The following SOHLH2 variants were observed in gnomAD, a reference collection of about 807,000 sequenced individuals.
SOHLH2 encodes spermatogenesis- and oogenesis-specific basic helix-loop-helix-containing protein 2.
Under a neutral mutation model 50.4 loss-of-function variants are expected in SOHLH2, and 22 were observed. That is an observed-to-expected ratio of 0.44 (90% CI 0.31 to 0.62). The LOEUF is 0.62. SOHLH2 is among the 20% of genes least tolerant of loss of function. The pLI is 0.08. For synonymous variants in SOHLH2, 185 were observed against 187.3 expected, an observed-to-expected ratio of 0.99 and a Z score of 0.10; for missense variants, 412 against 504.4, an observed-to-expected ratio of 0.82 and a Z score of 1.76.
rs566025934 is a variant in SOHLH2 at position 36,204,828 on chromosome 13, T to C, written c.49-2735A>G. On this transcript the variant is annotated intron_variant, in intron 1 of 10. Coordinates refer to ENST00000379881, the MANE Select transcript of SOHLH2 (RefSeq NM_017826.3). The stretch of plus-strand genomic sequence containing the variant: ...AGGAACCTTGTTAAAGTTTTAATTA[T>C]GGTGGCCTCTATTTTAACAGTTAAT... Among the ~76,000 whole-genome samples, 16 of 152,346 alleles carry C rather than the reference T, an allele frequency of 1.1e-4. No homozygotes were observed. In the South Asian group the frequency reaches 1.2e-3, roughly 12 times the overall value.
At chr13:36,171,345 C>T (rs1353004049) in intron 9 of SOHLH2, among the ~76,000 whole-genome samples, 1 of 152,062 alleles carries the variant, frequency 6.6e-6, no homozygotes, top group Non-Finnish European at 1.5e-5. Context: ...CAACTGTATA[C>T]AGAGATTTAT....
intron 6 of SOHLH2, among the ~76,000 whole-genome samples, chr13:36,179,331 G>A (rs1230638573): frequency 6.6e-6 from 1 of 152,088 alleles, no homozygotes; most frequent in Non-Finnish European, 1.5e-5. Flanking sequence ...ATGGTATATT[G>A]AGCATTGTCA....
chr13:36,174,377 C>A (rs1887045740), intron 8 of SOHLH2, 99 bp downstream of exon 8: 2 of 1,504,442 alleles, frequency 1.3e-6, no homozygotes, highest in African/African-American at 1.4e-5. Flanking sequence ...TAAGCCCCTG[C>A]ACTTTCACTG....
chr13:36,189,797 T>G, intron 6 of SOHLH2, 149 bp downstream of exon 6: 1 of 725,228 alleles, frequency 1.4e-6, no homozygotes, highest in South Asian at 2.4e-5. Context: ...ATTGAATGAC[T>G]ACAAGGCTGA....
chr13:36,209,640 C>A (rs1218353061), intron 1 of SOHLH2, among the ~76,000 whole-genome samples: 5 of 152,172 alleles, frequency 3.3e-5, no homozygotes, highest in Non-Finnish European at 7.3e-5. Flanking sequence ...CACCTGCTAA[C>A]GCCATCACCT....
In SOHLH2 at chr13:36,170,679, T is replaced by G; in HGVS notation, c.1109A>C (p.Lys370Thr). The G allele has an allele frequency of 6.2e-7, 1 of 1,614,178 alleles. No individual in the cohort carries two copies. The highest frequency in any genetic ancestry group is 8.5e-7 in the Non-Finnish European group (1 of 1,180,030). The change falls in exon 10 of 11, where the codon AAA becomes ACA. Residue 370 changes from lysine (K) to threonine (T), a missense_variant. By Grantham distance (78) the Lys-to-Thr change is moderately conservative. Transcript: ENST00000379881. ...AGTTGCATCGTAGGAAGGGGTGACTTTAGAATAATATCTGACAGTATGCAA... is the reference window on the plus strand; with the variant it reads ...AGTTGCATCGTAGGAAGGGGTGACTGTAGAATAATATCTGACAGTATGCAA... ...NSLHTVRYYS[K>T]VTPSYDATAV...
At chr13:36,184,790 T>C (rs767864791) in intron 6 of SOHLH2, among the ~76,000 whole-genome samples, 3 of 152,182 alleles carry the variant, frequency 2.0e-5, no homozygotes, top group Non-Finnish European at 4.4e-5. Flanking sequence ...CTGGGATACA[T>C]GTGCAGAACG....
At chr13:36,190,123 G>A in intron 5 of SOHLH2, 67 bp from the exon 6 acceptor site, 7 of 1,436,594 alleles carry the variant, frequency 4.9e-6, no homozygotes, top group Admixed American at 2.0e-5. Context: ...TAAATAATAC[G>A]CACCAATACA....
At chr13:36,193,234 T>C (rs922298852) in intron 4 of SOHLH2, among the ~76,000 whole-genome samples, 2 of 152,190 alleles carry the variant, frequency 1.3e-5, no homozygotes, top group African/African-American at 4.8e-5. Context: ...GTAAAATAAT[T>C]TCTATGCAAG....
intron 6 of SOHLH2, among the ~76,000 whole-genome samples, chr13:36,177,320 C>G (rs1566036259): frequency 6.6e-6 from 1 of 152,060 alleles, no homozygotes; most frequent in Non-Finnish European, 1.5e-5. Context: ...CTTATCCATT[C>G]TCTTATTGAT....
intron 8 of SOHLH2, among the ~76,000 whole-genome samples, chr13:36,174,173 C>G (rs867997672): frequency 2.0e-5 from 3 of 152,032 alleles, no homozygotes; most frequent in African/African-American, 4.8e-5. Context: ...GAAGCCATCA[C>G]GTCCCTGCTG....
At chr13:36,189,686 G>A (rs1754345597) in intron 6 of SOHLH2, among the ~76,000 whole-genome samples, 1 of 152,136 alleles carries the variant, frequency 6.6e-6, no homozygotes, top group South Asian at 2.1e-4. Context: ...TTAAAAGTCT[G>A]TCTGAGCACT....
chr13:36,189,983 T>A lies in SOHLH2; in HGVS notation c.604A>T (p.Ile202Phe), dbSNP rs760749375. The change falls in exon 6 of 11, where the codon ATC becomes TTC. Residue 202 changes from isoleucine to phenylalanine, a missense_variant. Transcript: ENST00000379881. Reference sequence around the variant, plus strand: ...TCCTTGCTTGAATGAAGAAGAGAGATCTTTTTGTTTTTCTCGAACTCTGAC... The same window carrying A: ...TCCTTGCTTGAATGAAGAAGAGAGAACTTTTTGTTTTTCTCGAACTCTGAC... Reference protein sequence around the residue: ...SLSEFEKNKKISLLHSSKEKL... With the variant: ...SLSEFEKNKKFSLLHSSKEKL... 1.2e-6 allele frequency: 2 copies of A among 1,606,774 alleles called. No individual in the cohort carries two copies. Among genetic ancestry groups the A allele is most frequent in the South Asian group, 2.2e-5 (2 of 89,920 alleles).
chr13:36,196,132 T>A (rs1475841481), intron 2 of SOHLH2, among the ~76,000 whole-genome samples: 4 of 127,708 alleles, frequency 3.1e-5, no homozygotes, highest in Non-Finnish European at 5.0e-5. Context: ...AGATAATTTT[T>A]TTTTTTTTTT....
At chr13:36,171,116 T>C (rs1483285796) in intron 9 of SOHLH2, among the ~76,000 whole-genome samples, 2 of 152,182 alleles carry the variant, frequency 1.3e-5, no homozygotes, top group African/African-American at 4.8e-5. Context: ...AAAGAACAAC[T>C]CCATTCAGCA....
At chr13:36,194,653 A>G (rs1273408254) in intron 2 of SOHLH2, among the ~76,000 whole-genome samples, 1 of 152,206 alleles carries the variant, frequency 6.6e-6, no homozygotes, top group Non-Finnish European at 1.5e-5. Context: ...CACTAAACTC[A>G]GTACAGTAAG....
Position 36,191,796 on chromosome 13 carries a change from A to T in SOHLH2, c.529T>A (p.Cys177Ser). The change falls in exon 5 of 11, where the codon TGC becomes AGC. Residue 177 changes from cysteine to serine, a missense_variant and splice_region_variant. Transcript: ENST00000379881. ...TATGAAAAAGAACAAAAAACTAACCAGGCAAATAGATCAGTAGGAAAATAT... is the reference window on the plus strand; with the variant it reads ...TATGAAAAAGAACAAAAAACTAACCTGGCAAATAGATCAGTAGGAAAATAT... ...LGYFPTDLFA[C>S]SESLRNGNGL... 1 of 1,613,430 alleles carries T rather than the reference A, an allele frequency of 6.2e-7. No homozygotes were observed. The highest frequency in any genetic ancestry group is 8.5e-7 in the Non-Finnish European group (1 of 1,179,688).
intron 6 of SOHLH2, among the ~76,000 whole-genome samples, chr13:36,178,300 A>T (rs1456797040): frequency 1.4e-5 from 2 of 146,658 alleles, no homozygotes; most frequent in African/African-American, 4.9e-5. Context: ...ATAATTTTTT[A>T]TATGGTGTGA....
chr13:36,171,001 TAA>T (rs1886949356), intron 9 of SOHLH2, among the ~76,000 whole-genome samples: 1 of 152,174 alleles, frequency 6.6e-6, no homozygotes, highest in South Asian at 2.1e-4. Context: ...TCATGTACAT[TAA>T]AAGACAGGTT....
Sources: gnomAD v4.1 joint callset for allele counts (sites outside exome capture counted in the v4.1 genomes callset) on GRCh38, gnomAD v4.1.1 for gene constraint, MANE v1.5 for transcripts, NCBI Gene and HGNC (gene_info 2026-07-23, HGNC 2026-07-21) for gene names.